RBBP4: variants seen among roughly 807,000 people sequenced by gnomAD.
RBBP4 encodes histone-binding protein RBBP4.
A neutral mutation model predicts 57.2 loss-of-function variants in RBBP4; 3 were observed. That is an observed-to-expected ratio of 0.05 (90% CI 0.02 to 0.14). The LOEUF (loss-of-function observed/expected upper bound fraction) is 0.14. Among genes scored for constraint, RBBP4 ranks in the 10% least tolerant of loss-of-function variants. RBBP4 has a pLI of 1.00. For missense variants in RBBP4, 107 were observed against 520.6 expected, an observed-to-expected ratio of 0.21 and a Z score of 7.73; for synonymous variants, 151 against 171.5, an observed-to-expected ratio of 0.88 and a Z score of 0.93.
intron 11 of RBBP4, among the ~76,000 whole-genome samples, chr1:32,679,075 TC>T (rs1649258844): frequency 6.6e-6 from 1 of 152,166 alleles, no homozygotes; most frequent in Non-Finnish European, 1.5e-5. Context: ...GGTGGGCAGA[TC>T]ACCTGAGATC....
intron 3 of RBBP4, among the ~76,000 whole-genome samples, chr1:32,661,052 A>G (rs1648382572): frequency 6.6e-6 from 1 of 152,040 alleles, no homozygotes; most frequent in South Asian, 2.1e-4. Context: ...GGGCTCTTGC[A>G]ATTCACCCAC....
chr1:32,667,375 G>A (rs1227795952), intron 3 of RBBP4, among the ~76,000 whole-genome samples: 1 of 152,246 alleles, frequency 6.6e-6, no homozygotes, highest in African/African-American at 2.4e-5. Flanking sequence ...CTGCCTGAAA[G>A]GGAAGGGCCC....
At chr1:32,658,884 A>T (rs1648264826) in intron 3 of RBBP4, among the ~76,000 whole-genome samples, 1 of 151,072 alleles carries the variant, frequency 6.6e-6, no homozygotes, top group African/African-American at 2.4e-5. Flanking sequence ...ATATATTTAT[A>T]TTGTGTGTGT....
chr1:32,653,460 C>T (rs1570830592), intron 2 of RBBP4, among the ~76,000 whole-genome samples: 1 of 152,084 alleles, frequency 6.6e-6, no homozygotes, highest in Middle Eastern at 3.4e-3. Context: ...TATGATGTAG[C>T]TCAACAAATG....
At chr1:32,651,721 G>C (rs1445943160) in intron 1 of RBBP4, 193 bp from the exon 2 acceptor site, 1 of 803,864 alleles carries the variant, frequency 1.2e-6, no homozygotes, top group African/African-American at 1.7e-5. Context: ...AACGGGTAAC[G>C]GAGTGTTTGG....
At chr1:32,678,452 C>G (rs1283202696) in intron 11 of RBBP4, among the ~76,000 whole-genome samples, 1 of 152,098 alleles carries the variant, frequency 6.6e-6, no homozygotes, top group Non-Finnish European at 1.5e-5. Context: ...GTCTCGAACT[C>G]CTGACCTCAG....
In RBBP4 at chr1:32,679,786, A is replaced by C; in HGVS notation, c.*81A>C. 6.3e-7 allele frequency: 1 copy of C among 1,582,496 alleles called. No homozygotes were observed. Among genetic ancestry groups the C allele is most frequent in the East Asian group, 2.3e-5 (1 of 44,024 alleles). On this transcript the variant is annotated 3_prime_UTR_variant, in exon 12 of 12. Coordinates refer to ENST00000373493, the MANE Select transcript of RBBP4 (RefSeq NM_005610.3). ...AGTGATTTAACACTGGTTTTGAGACAGACTTTATTCAGCTATCCCTCTATA... is the reference window on the plus strand; with the variant it reads ...AGTGATTTAACACTGGTTTTGAGACCGACTTTATTCAGCTATCCCTCTATA...
chr1:32,651,397 TGAGGGCAGGCCCGAGTTTGCC>T (rs1647612526), intron 1 of RBBP4, 75 bp downstream of exon 1: 4 of 1,394,870 alleles, frequency 2.9e-6, no homozygotes, highest in South Asian at 1.7e-5. Flanking sequence ...GGCCTAACAG[TGAGGGCAGGCCCGAGTTTGCC>T]GAGTGCAGTC....
chr1:32,669,433 TA>T lies in RBBP4; in HGVS notation c.889-52del. 1 of 1,567,240 alleles carries T rather than the reference TA, an allele frequency of 6.4e-7. No individual in the cohort carries two copies. The highest frequency in any genetic ancestry group is 8.6e-7 in the Non-Finnish European group (1 of 1,164,370). ...AATTGCAGAGATATTTTACTTACAG[TA>T]TTTTTTTTTTCTTAAAAAATTGATT... On this transcript the variant is annotated intron_variant, in intron 7 of 11. Transcript: ENST00000373493. This position sits in a 1 kb window ranked among gnomAD's most constrained non-coding sequence, Gnocchi z 4.9.
At chr1:32,665,626 C>T (rs891762954) in intron 3 of RBBP4, among the ~76,000 whole-genome samples, 4 of 148,070 alleles carry the variant, frequency 2.7e-5, no homozygotes, top group Admixed American at 6.9e-5. Flanking sequence ...TGCAGTGAGC[C>T]GAGATCGTGC....
intron 3 of RBBP4, among the ~76,000 whole-genome samples, chr1:32,667,994 A>T (rs1002760082): frequency 4.6e-5 from 7 of 152,168 alleles, no homozygotes; most frequent in African/African-American, 1.7e-4. Flanking sequence ...GAATTCATGG[A>T]TAAAGAACCC....
chr1:32,683,990 C>G lies in RBBP4; in HGVS notation c.*4285C>G. 1.3e-6 allele frequency: 2 copies of G among 1,596,562 alleles called. No homozygotes were observed. Among genetic ancestry groups the G allele is most frequent in the Non-Finnish European group, 1.7e-6 (2 of 1,165,296 alleles). On this transcript the variant is annotated 3_prime_UTR_variant, in exon 12 of 12. Coordinates refer to ENST00000373493, the MANE Select transcript of RBBP4 (RefSeq NM_005610.3). ...AAGCAGTAACAATGCAAACACCACT[C>G]TTCTCTTCACAAAGATCACCTTGAG...
intron 1 of RBBP4, 181 bp from the exon 2 acceptor site, chr1:32,651,733 G>T (rs1204184096): frequency 6.0e-6 from 5 of 829,230 alleles, no homozygotes; most frequent in Admixed American, 5.7e-5. Context: ...AGTGTTTGGC[G>T]GGGATGGCCC....
At chr1:32,660,119 T>C (rs1295935890) in intron 3 of RBBP4, among the ~76,000 whole-genome samples, 1 of 152,226 alleles carries the variant, frequency 6.6e-6, no homozygotes, top group African/African-American at 2.4e-5. Context: ...TGTTTATTTA[T>C]GTTTTTTGCC....
At chr1:32,664,091 T>C (rs1330502982) in intron 3 of RBBP4, among the ~76,000 whole-genome samples, 3 of 151,972 alleles carry the variant, frequency 2.0e-5, no homozygotes, top group Non-Finnish European at 4.4e-5. Flanking sequence ...CACGCCCGGC[T>C]AATTTTTTTT....
chr1:32,663,959 C>T (rs1648535000), intron 3 of RBBP4, among the ~76,000 whole-genome samples: 1 of 149,248 alleles, frequency 6.7e-6, no homozygotes, highest in Non-Finnish European at 1.5e-5. Context: ...TGGAGTCTCG[C>T]TCTGTTGCCC....
At chr1:32,666,146 C>G (rs1257371299) in intron 3 of RBBP4, among the ~76,000 whole-genome samples, 9 of 152,072 alleles carry the variant, frequency 5.9e-5, no homozygotes, top group Admixed American at 5.9e-4. Context: ...TGCTGTGGCT[C>G]TGTTTTTCCT....
At chr1:32,654,743 G>C (rs1478969309) in intron 2 of RBBP4, among the ~76,000 whole-genome samples, 1 of 152,116 alleles carries the variant, frequency 6.6e-6, no homozygotes, top group Non-Finnish European at 1.5e-5. Flanking sequence ...ACTCATACTG[G>C]AGTGCAGTGG....
chr1:32,677,318 A>G (rs1272103874), intron 11 of RBBP4, among the ~76,000 whole-genome samples: 1 of 152,080 alleles, frequency 6.6e-6, no homozygotes, highest in Non-Finnish European at 1.5e-5. Context: ...TGAACTCTAT[A>G]AAAACTCCTA....
Sources: gnomAD v4.1 joint callset for allele counts (sites outside exome capture counted in the v4.1 genomes callset) on GRCh38, gnomAD v4.1.1 for gene constraint, Gnocchi (gnomAD v3.1) non-coding constraint, MANE v1.5 for transcripts, NCBI Gene and HGNC (gene_info 2026-07-23, HGNC 2026-07-21) for gene names.